Variants in SGSH observed in about 807,000 individuals in gnomAD.
The protein encoded by SGSH is heparan sulfate sulfatase.
SGSH carries 48 observed loss-of-function variants against 51.0 expected under a neutral mutation model. The ratio of observed to expected loss-of-function variants is 0.94; its 90% CI spans 0.75 to 1.20. The LOEUF is 1.20. Ranked by LOEUF, SGSH falls within the 50% of genes most tolerant of loss-of-function variation. The pLI, the probability that SGSH is intolerant of heterozygous loss-of-function variation, is 0.00. For missense variants in SGSH, 662 were observed against 717.8 expected (o/e 0.92, Z 0.89); for synonymous variants, 321 against 313.4 (o/e 1.02, Z -0.26).
chr17:80,219,397 A>G (rs2042037038), intron 1 of SGSH, among the ~76,000 whole-genome samples: 1 of 152,180 alleles, frequency 6.6e-6, no homozygotes, highest in South Asian at 2.1e-4. Context: ...CCGTGCTAAG[A>G]AAGGCCCTAG....
downstream of SGSH, chr17:80,202,528 G>A: frequency 6.6e-7 from 1 of 1,504,048 alleles, no homozygotes; most frequent in Non-Finnish European, 8.9e-7. Context: ...GGTGGGCGTG[G>A]TGAGACCCCC....
At chr17:80,214,019 TTCTC>T (rs759996536) in intron 5 of SGSH, 134 bp from the exon 6 acceptor site, 3 of 1,314,098 alleles carry the variant, frequency 2.3e-6, no homozygotes, top group Non-Finnish European at 3.2e-6. Flanking sequence ...CTCTCTACGG[TTCTC>T]TCTGTGGCCC....
chr17:80,204,472 C>T (rs2041166662), downstream of SGSH: 1 of 881,598 alleles, frequency 1.1e-6, no homozygotes, highest in Admixed American at 3.0e-5. Context: ...CTTCAAGAAT[C>T]ATGGGGCTGG....
chr17:80,214,569 C>T (rs762900241), intron 4 of SGSH, 46 bp downstream of exon 4: 2 of 1,590,692 alleles, frequency 1.3e-6, no homozygotes, highest in Non-Finnish European at 1.7e-6. Context: ...GGGCTGTGCT[C>T]TGGTACCGGC....
At position 80,213,906 on chromosome 17, in the gene SGSH, C is replaced by A. The variant is rs1427467939; in HGVS notation, c.664-21G>T. ...GGCACCTGGGGCAGGCGGTGGGGAGCCAGGCTTAGAACAGACAGACCGGGG... is the reference window on the plus strand; with the variant it reads ...GGCACCTGGGGCAGGCGGTGGGGAGACAGGCTTAGAACAGACAGACCGGGG... On this transcript the variant is annotated intron_variant, in intron 5 of 7. Coordinates refer to ENST00000326317, the MANE Select transcript of SGSH (RefSeq NM_000199.5). This position sits in a 1 kb window ranked among gnomAD's most constrained non-coding sequence, Gnocchi z 4.6. The A allele has an allele frequency of 2.5e-6, 4 of 1,590,154 alleles. No individual in the cohort carries two copies. Among genetic ancestry groups the A allele is most frequent in the Admixed American group, 1.8e-5 (1 of 56,330 alleles).
At position 80,214,291 on chromosome 17, in the gene SGSH, G is replaced by A. The variant is rs529855742; in HGVS notation, c.544C>T (p.Arg182Cys). The A allele has an allele frequency of 6.2e-6, 10 of 1,613,150 alleles. No homozygotes were observed. The highest frequency in any genetic ancestry group is 4.5e-5 in the East Asian group (2 of 44,880). The change falls in exon 5 of 8, where the codon CGC becomes TGC. Residue 182 changes from arginine to cysteine, a missense_variant. Arg to Cys is a radical substitution (Grantham distance 180). Transcript: ENST00000326317. ...TACTGGGGCTGGGAGTGCCCACAGC[G>A]GTGGGGGTCGTGGAAGGCGACGTAG... ...FLYVAFHDPH[R>C]CGHSQPQYGT...
downstream of SGSH, chr17:80,202,867 G>A (rs2041062483): frequency 5.7e-6 from 1 of 174,754 alleles, no homozygotes; most frequent in Non-Finnish European, 1.2e-5. Flanking sequence ...CTTGGTCTTA[G>A]CACTGAAAGC....
chr17:80,214,912 CA>C, intron 3 of SGSH, 120 bp downstream of exon 3: 1 of 1,304,266 alleles, frequency 7.7e-7, no homozygotes, highest in Non-Finnish European at 1.1e-6. Context: ...TCCTTTGGGA[CA>C]AGAGCTAAGG....
chr17:80,217,305 A>AGCAAGCAGGCAGGGTGCCCAGGCAGGCC (rs2041931185), intron 1 of SGSH, 113 bp from the exon 2 acceptor site: 1 of 1,267,532 alleles, frequency 7.9e-7, no homozygotes, highest in African/African-American at 1.5e-5. Context: ...CCAGGTGGGC[A>AGCAAGCAGGCAGGGTGCCCAGGCAGGCC]TGGTACTGGC....
Position 80,210,225 on chromosome 17 carries a change from G to A in SGSH, c.*227C>T, listed in dbSNP as rs771727008. 9 of 1,420,880 alleles carry A rather than the reference G, an allele frequency of 6.3e-6. No homozygotes were observed. The highest frequency in any genetic ancestry group is 1.5e-5 in the South Asian group (1 of 64,700). 88.0% of individuals were successfully genotyped at this position (1,420,880 alleles called of 1,614,324 possible). A position where few individuals can be genotyped will look rare whatever the true frequency, so the allele number is the denominator to read the frequency against. Reference sequence around the variant, plus strand: ...GGACAACTGTGTCCCCTGCCATGACGGCAGTGCCCCTGGTGGTGGAGGGGC... The same window carrying A: ...GGACAACTGTGTCCCCTGCCATGACAGCAGTGCCCCTGGTGGTGGAGGGGC... On this transcript the variant is annotated 3_prime_UTR_variant, in exon 8 of 8. Transcript: ENST00000326317.
chr17:80,207,083 C>A, downstream of SGSH: 1 of 1,610,692 alleles, frequency 6.2e-7, no homozygotes, highest in Non-Finnish European at 8.5e-7. Context: ...CAAAGAAGCT[C>A]AAGTAGGTGC....
At position 80,209,625 on chromosome 17, in the gene SGSH, C is replaced by T; in HGVS notation, c.*827G>A. On this transcript the variant is annotated 3_prime_UTR_variant, in exon 8 of 8. Transcript: ENST00000326317. The stretch of plus-strand genomic sequence containing the variant: ...CAAGGCAGAGGATGGGCATTGCCAC[C>T]CAGCAACGCCAGTGTCACCGAAGAA... The T allele has an allele frequency of 1.0e-6, 1 of 960,182 alleles. No homozygotes were observed. The highest frequency in any genetic ancestry group is 4.8e-5 in the South Asian group (1 of 20,854). 59.5% of individuals were successfully genotyped at this position (960,182 alleles called of 1,614,324 possible). A position where few individuals can be genotyped will look rare whatever the true frequency, so the allele number is the denominator to read the frequency against.
At position 80,210,149 on chromosome 17, in the gene SGSH, G is replaced by A. The variant is rs995502579; in HGVS notation, c.*303C>T. The A allele has an allele frequency of 1.2e-5, 15 of 1,299,974 alleles. No individual in the cohort carries two copies. The highest frequency in any genetic ancestry group is 8.9e-5 in the African/African-American group (6 of 67,196). The allele number at this position is 1,299,974 out of a possible 1,614,324, so 80.5% of individuals were successfully genotyped here. On this transcript the variant is annotated 3_prime_UTR_variant, in exon 8 of 8. Coordinates refer to ENST00000326317, the MANE Select transcript of SGSH (RefSeq NM_000199.5). ...ATGGGCTGGGGGCGCTGCCCTGTCC[G>A]CAGACCACGTATGTCTAGAATTCCC...
downstream of SGSH, chr17:80,202,779 C>G (rs9914372): frequency 0.51 from 152,368 of 299,502 alleles, 39,712 homozygotes; most frequent in Non-Finnish European, 0.54. Context: ...GATGCCGGGA[C>G]TACTCCCATG....
At chr17:80,220,201 G>A in intron 1 of SGSH, 25 bp downstream of exon 1, 2 of 1,495,812 alleles carry the variant, frequency 1.3e-6, no homozygotes, top group Non-Finnish European at 8.9e-7. Flanking sequence ...GCAGGTGGGC[G>A]TGGGGGGGCG....
downstream of SGSH, chr17:80,209,037 G>C (rs368081247): frequency 5.2e-5 from 8 of 152,804 alleles, no homozygotes; most frequent in African/African-American, 1.9e-4. Context: ...GAGAAGCCTG[G>C]CACCAGTACC....
At chr17:80,211,520 G>C (rs1451269361) in intron 7 of SGSH, 1 of 264,114 alleles carries the variant, frequency 3.8e-6, no homozygotes, top group Non-Finnish European at 7.4e-6. Context: ...AAGTCTTCCT[G>C]CACCCGTGTC....
At position 80,214,602 on chromosome 17, in the gene SGSH, C is replaced by A. The variant is rs201177560; in HGVS notation, c.506+13G>T. On this transcript the variant is annotated intron_variant, in intron 4 of 7. Coordinates refer to ENST00000326317, the MANE Select transcript of SGSH (RefSeq NM_000199.5). Reference sequence around the variant, plus strand: ...GGCCGCCAGGGGGAAGGGGCAGGGGCCCCGACTCATACCGGTCATCCTGAG... The same window carrying A: ...GGCCGCCAGGGGGAAGGGGCAGGGGACCCGACTCATACCGGTCATCCTGAG... The A allele has an allele frequency of 3.9e-4, 623 of 1,610,466 alleles. No homozygotes were observed. Among genetic ancestry groups the A allele is most frequent in the Non-Finnish European group, 5.0e-4 (585 of 1,178,792 alleles).
intron 2 of SGSH, among the ~76,000 whole-genome samples, chr17:80,216,089 G>T (rs1348256864): frequency 6.6e-6 from 1 of 152,192 alleles, no homozygotes; most frequent in African/African-American, 2.4e-5. Flanking sequence ...AGCACTTTGG[G>T]AGGTCGAGGC....
Sources: gnomAD v4.1 joint callset for allele counts (sites outside exome capture counted in the v4.1 genomes callset) on GRCh38, gnomAD v4.1.1 for gene constraint, Gnocchi (gnomAD v3.1) non-coding constraint, MANE v1.5 for transcripts, NCBI Gene and HGNC (gene_info 2026-07-23, HGNC 2026-07-21) for gene names.